Variants in ITGAE observed in about 807,000 individuals in gnomAD.
ITGAE encodes integrin alpha-E.
In ITGAE, 99 loss-of-function variants were observed where a neutral mutation model predicts 136.5. The observed-to-expected ratio is 0.73, with a 90% CI of 0.62 to 0.86. The LOEUF is 0.86. Among genes scored for constraint, ITGAE ranks in the 40% least tolerant of loss-of-function variants. ITGAE has a pLI of 0.00. For missense variants in ITGAE, 1,447 were observed against 1,515.3 expected (o/e 0.95, Z 0.75); for synonymous variants, 613 against 591.8 (o/e 1.04, Z -0.52).
At chr17:3,780,363 C>T (rs751182194) in intron 1 of ITGAE, among the ~76,000 whole-genome samples, 52 of 152,178 alleles carry the variant, frequency 3.4e-4, no homozygotes, top group African/African-American at 1.2e-3. Context: ...GGGGTTTCAC[C>T]GTGTTAAGCC....
At chr17:3,754,367 G>A (rs1567534802) in intron 12 of ITGAE, among the ~76,000 whole-genome samples, 1 of 152,172 alleles carries the variant, frequency 6.6e-6, no homozygotes, top group Non-Finnish European at 1.5e-5. Flanking sequence ...CCCCTCCCGG[G>A]TTCAAGCGAT....
chr17:3,732,837 G>A (rs1263362624), intron 21 of ITGAE, among the ~76,000 whole-genome samples: 6 of 152,176 alleles, frequency 3.9e-5, no homozygotes, highest in Admixed American at 6.6e-5. Context: ...CTGGAAGGCC[G>A]GCACACACCA....
chr17:3,719,904 T>A (rs2051015872), intron 29 of ITGAE, among the ~76,000 whole-genome samples: 1 of 152,106 alleles, frequency 6.6e-6, no homozygotes, highest in African/African-American at 2.4e-5. Flanking sequence ...ATTTTTGTAT[T>A]TTTGGTAGAC....
intron 10 of ITGAE, among the ~76,000 whole-genome samples, 155 bp downstream of exon 10, chr17:3,756,829 C>T (rs1182061598): frequency 7.9e-5 from 12 of 152,256 alleles, no homozygotes; most frequent in Non-Finnish European, 4.4e-5. Context: ...AGGCATGAGC[C>T]ACCACACCCG....
chr17:3,777,543 G>A lies in ITGAE; in HGVS notation c.152C>T (p.Thr51Ile), dbSNP rs1387319753. The change falls in exon 2 of 31, where the codon ACC becomes ATC. Residue 51 changes from threonine (T) to isoleucine (I), a missense_variant. Coordinates refer to ENST00000263087, the MANE Select transcript of ITGAE (RefSeq NM_002208.5). ...LLHQDPSTNQ[T>I]WLLVTSPRTK... is the part of the protein sequence containing the mutation. ...CTTGCCCACCGGCCCTACTCACCAG[G>A]TCTGGTTGGTGCTGGGGTCTTGGTG... is the stretch of plus-strand genomic sequence containing the variant. The A allele has an allele frequency of 1.9e-6, 3 of 1,612,496 alleles. No homozygotes were observed. The highest frequency in any genetic ancestry group is 8.5e-7 in the Non-Finnish European group (1 of 1,179,028).
At chr17:3,764,370 G>A (rs1434657149) in intron 2 of ITGAE, among the ~76,000 whole-genome samples, 2 of 152,182 alleles carry the variant, frequency 1.3e-5, no homozygotes, top group East Asian at 1.9e-4. Context: ...AGAAGAGTAC[G>A]CTGGTGCCCC....
In ITGAE at chr17:3,728,163, G is replaced by T. The variant is rs2143009391; in HGVS notation, c.2918C>A (p.Ser973Tyr). ...HGFVAVLSKP[S>Y]IMYVNTGQGL... Reference sequence around the variant, plus strand: ...CTGGCCTGTGTTCACGTACATTATGGATGGTCTGCAATTGACAGGACATGC... The same window carrying T: ...CTGGCCTGTGTTCACGTACATTATGTATGGTCTGCAATTGACAGGACATGC... Residue 973 changes from serine to tyrosine, a missense_variant, in exon 25 of 31, where the codon TCC (serine) becomes TAC (tyrosine). This residue lies in a region of ITGAE where 1,031 missense variants were observed against 1,011.4 expected (regional missense o/e 1.02). Transcript: ENST00000263087. 1 of 1,612,370 alleles carries T rather than the reference G, an allele frequency of 6.2e-7. No homozygotes were observed. Among genetic ancestry groups the T allele is most frequent in the South Asian group, 1.1e-5 (1 of 91,032 alleles).
In ITGAE at chr17:3,753,409, C is replaced by T. The variant is rs1174563752; in HGVS notation, c.1549G>A (p.Glu517Lys). 1.2e-6 allele frequency: 2 copies of T among 1,614,016 alleles called. No individual in the cohort carries two copies. Among genetic ancestry groups the T allele is most frequent in the African/African-American group, 1.3e-5 (1 of 74,916 alleles). Residue 517 changes from glutamate (E) to lysine (K), a missense_variant, in exon 14 of 31, where the codon GAG becomes AAG. Glu to Lys is a moderately conservative substitution (Grantham distance 56). This residue lies in a region of ITGAE where 1,031 missense variants were observed against 1,011.4 expected (regional missense o/e 1.02). Coordinates refer to ENST00000263087, the MANE Select transcript of ITGAE (RefSeq NM_002208.5). ...ATGTCAATGTCCACAGGGCACAGCT[C>T]AGAGCCAAAATAGGACCCCATCTAC... ...GEQMGSYFGS[E>K]LCPVDIDMDG...
chr17:3,779,638 C>T (rs1339657454), intron 1 of ITGAE, among the ~76,000 whole-genome samples: 1 of 152,080 alleles, frequency 6.6e-6, no homozygotes, highest in African/African-American at 2.4e-5. Context: ...GTGCAATTTA[C>T]TTTAAAATGC....
Position 3,799,087 on chromosome 17 carries a change from G to A in ITGAE, c.34+2024C>T, listed in dbSNP as rs1450754068. On this transcript the variant is annotated intron_variant, in intron 1 of 30. Coordinates refer to ENST00000263087, the MANE Select transcript of ITGAE (RefSeq NM_002208.5). The surrounding 1 kb of genome is among the most constrained non-coding windows in gnomAD (Gnocchi z 4.1). ...CCCAACCCGGCACAGGGTACAGGGT[G>A]CTGGGCCTGGAGCCACAGTCTGAGG... Among the ~76,000 whole-genome samples the A allele has an allele frequency of 2.0e-5, 3 of 152,176 alleles. No individual in the cohort carries two copies. Among genetic ancestry groups the A allele is most frequent in the Non-Finnish European group, 4.4e-5 (3 of 68,026 alleles).
intron 20 of ITGAE, among the ~76,000 whole-genome samples, chr17:3,738,152 T>G (rs770350320): frequency 1.3e-5 from 2 of 152,182 alleles, no homozygotes; most frequent in African/African-American, 4.8e-5. Flanking sequence ...CCAAGGACGC[T>G]TGTTTGTTTT....
intron 16 of ITGAE, among the ~76,000 whole-genome samples, chr17:3,749,419 A>T (rs1259724167): frequency 6.6e-6 from 1 of 152,080 alleles, no homozygotes; most frequent in Non-Finnish European, 1.5e-5. Context: ...TGCCCGGCTA[A>T]TTTTTTGTAT....
At chr17:3,773,325 T>G (rs2052470462) in intron 2 of ITGAE, among the ~76,000 whole-genome samples, 1 of 151,960 alleles carries the variant, frequency 6.6e-6, no homozygotes, top group African/African-American at 2.4e-5. Flanking sequence ...ACCCCGTCTC[T>G]ACTAAAAATA....
intron 1 of ITGAE, among the ~76,000 whole-genome samples, chr17:3,796,640 C>G (rs1308344784): frequency 6.6e-6 from 1 of 151,904 alleles, no homozygotes; most frequent in East Asian, 1.9e-4. Context: ...CATAGCTACA[C>G]CAGTGTCTGT....
At chr17:3,746,049 C>T in intron 17 of ITGAE, 122 bp from the exon 18 acceptor site, 1 of 843,816 alleles carries the variant, frequency 1.2e-6, no homozygotes, top group South Asian at 1.7e-5. Flanking sequence ...GCAGGTACTT[C>T]CCTGCGGCTG....
rs556973256 is a variant in ITGAE, at chr17:3,793,529, C to T, written c.34+7582G>A. Among the ~76,000 whole-genome samples, 14 of 152,300 alleles carry T rather than the reference C, an allele frequency of 9.2e-5. No homozygotes were observed. The East Asian group carries it at 2.5e-3, about 27-fold the overall frequency. On this transcript the variant is annotated intron_variant, in intron 1 of 30. Transcript: ENST00000263087. ...GCATCCCTTATCTCAGCTCTGGATT[C>T]GTGGGGGAGCAGCAGGAACAGTACA...
chr17:3,790,465 C>T (rs1380355494), intron 1 of ITGAE, among the ~76,000 whole-genome samples: 1 of 151,928 alleles, frequency 6.6e-6, no homozygotes, highest in African/African-American at 2.4e-5. Flanking sequence ...CGAGATCGCA[C>T]CACTGCACTC....
At chr17:3,746,639 T>C (rs1269249902) in intron 17 of ITGAE, among the ~76,000 whole-genome samples, 1 of 151,926 alleles carries the variant, frequency 6.6e-6, no homozygotes, top group Non-Finnish European at 1.5e-5. Context: ...GTATTTTGTT[T>C]AGTGGAGACG....
At chr17:3,725,153 T>C (rs2051177292) in intron 26 of ITGAE, 1 of 1,614,228 alleles carries the variant, frequency 6.2e-7, no homozygotes, top group African/African-American at 1.3e-5. Flanking sequence ...GCAGCATCTA[T>C]ACCACTGCCA....
Sources: allele counts gnomAD v4.1 joint callset (sites outside exome capture counted in the v4.1 genomes callset), GRCh38; gene constraint gnomAD v4.1.1; regional missense constraint gnomAD v4.1.1; non-coding constraint Gnocchi (gnomAD v3.1); transcripts MANE v1.5; gene names NCBI Gene and HGNC (gene_info 2026-07-23, HGNC 2026-07-21).